Variants in MAP2K7 observed in about 807,000 individuals in gnomAD.
MAP2K7 encodes dual specificity mitogen-activated protein kinase kinase 7.
A neutral mutation model predicts 47.7 loss-of-function variants in MAP2K7; 12 were observed. That is an observed-to-expected ratio of 0.25 (90% CI 0.16 to 0.41). The LOEUF is 0.41. Ranked by LOEUF, MAP2K7 falls within the 10% of genes least tolerant of loss-of-function variation. The pLI, the probability that MAP2K7 is intolerant of heterozygous loss-of-function variation, is 1.00. For synonymous variants in MAP2K7, 299 were observed against 243.0 expected, an observed-to-expected ratio of 1.23 and a Z score of -2.14; for missense variants, 415 against 600.3, an observed-to-expected ratio of 0.69 and a Z score of 3.23.
chr19:7,907,493 T>G (rs532521045), intron 1 of MAP2K7, among the ~76,000 whole-genome samples: 23 of 152,326 alleles, frequency 1.5e-4, no homozygotes, highest in African/African-American at 4.6e-4. Flanking sequence ...CCTCTCGCTC[T>G]CTCTCATCCG....
intron 9 of MAP2K7, among the ~76,000 whole-genome samples, chr19:7,911,945 C>T (rs1488159845): frequency 1.3e-5 from 2 of 152,194 alleles, no homozygotes; most frequent in African/African-American, 2.4e-5. Context: ...AAGCCAGGCC[C>T]TTGCCACCTG....
intron 9 of MAP2K7, among the ~76,000 whole-genome samples, chr19:7,911,892 C>T (rs12609647): frequency 0.023 from 3,464 of 152,274 alleles, 112 homozygotes; most frequent in East Asian, 0.085. Context: ...TCAGGGGAGC[C>T]CCACCCACCT....
At position 7,911,407 on chromosome 19, in the gene MAP2K7, C is replaced by G. The variant is rs748305627; in HGVS notation, c.937-29C>G. On this transcript the variant is annotated intron_variant, in intron 8 of 10. Coordinates refer to ENST00000397979, the MANE Select transcript of MAP2K7 (RefSeq NM_145185.4). ...GACTCGGAGGGAGGAGAACATAAAC[C>G]TGTCCAGCCCTGCCCGTCTCCCTCC... The G allele has an allele frequency of 6.8e-6, 11 of 1,613,196 alleles. 1 individual carries two copies. The Middle Eastern group carries it at 1.7e-3, about 242-fold the overall frequency.
Position 7,912,523 on chromosome 19 carries a change from C to T in MAP2K7, c.*92C>T. On this transcript the variant is annotated 3_prime_UTR_variant, in exon 11 of 11. Transcript: ENST00000397979. ...CCACCCAGCTGCCTGCCAGGGGAGA[C>T]CTGGGACCTGGACGGCCACCTAGGA... 1 of 1,436,166 alleles carries T rather than the reference C, an allele frequency of 7.0e-7. No individual in the cohort carries two copies. Among genetic ancestry groups the T allele is most frequent in the Non-Finnish European group, 9.2e-7 (1 of 1,081,638 alleles). The allele number at this position is 1,436,166 out of a possible 1,614,324, so 89.0% of individuals were successfully genotyped here. A position where few individuals can be genotyped will look rare whatever the true frequency, so the allele number is the denominator to read the frequency against.
chr19:7,908,441 T>C (rs986344108), intron 1 of MAP2K7, among the ~76,000 whole-genome samples: 13 of 152,068 alleles, frequency 8.5e-5, no homozygotes, highest in African/African-American at 2.9e-4. Flanking sequence ...TCCTACTGGC[T>C]GAGATCAGGG....
Position 7,911,618 on chromosome 19 carries a change from G to A in MAP2K7, c.1079+40G>A, listed in dbSNP as rs199810875. 7.6e-4 allele frequency: 1,170 copies of A among 1,533,784 alleles called. 4 individuals are homozygous for A. Among genetic ancestry groups the A allele is most frequent in the African/African-American group, 3.2e-3 (235 of 72,962 alleles). On this transcript the variant is annotated intron_variant, in intron 9 of 10. Transcript: ENST00000397979. ...CCACTTGGGAGGTCAGGGACAGCCC[G>A]CTGCTCTGGGCAGCTGGGGAGGCAA...
In MAP2K7 at chr19:7,912,797, C is replaced by G. The variant is rs965337482; in HGVS notation, c.*366C>G. The G allele has an allele frequency of 1.4e-5, 4 of 276,954 alleles. No homozygotes were observed. Among genetic ancestry groups the G allele is most frequent in the African/African-American group, 6.7e-5 (3 of 44,840 alleles). The allele number at this position is 276,954 out of a possible 1,614,324, so 17.2% of individuals were successfully genotyped here. ...ATGCACGCTCCCAGCGTGCTGTGTCCTTCGCCACTCCCACGCGCCCGTTCC... is the reference window on the plus strand; with the variant it reads ...ATGCACGCTCCCAGCGTGCTGTGTCGTTCGCCACTCCCACGCGCCCGTTCC... On this transcript the variant is annotated 3_prime_UTR_variant, in exon 11 of 11. Coordinates refer to ENST00000397979, the MANE Select transcript of MAP2K7 (RefSeq NM_145185.4).
intron 1 of MAP2K7, chr19:7,905,678 A>G: frequency 2.5e-6 from 2 of 790,820 alleles, no homozygotes; most frequent in South Asian, 2.9e-5. Flanking sequence ...GTCGGTTCCT[A>G]GCCATCTCTG....
At chr19:7,908,857 C>T (rs1982627310) in intron 1 of MAP2K7, among the ~76,000 whole-genome samples, 1 of 152,136 alleles carries the variant, frequency 6.6e-6, no homozygotes, top group African/African-American at 2.4e-5. Flanking sequence ...CTCCTCTGGG[C>T]ACCTGGGCCC....
chr19:7,911,561 G>A lies in MAP2K7; in HGVS notation c.1062G>A (p.Gln354=), dbSNP rs918854402. 1.3e-6 allele frequency: 2 copies of A among 1,597,464 alleles called. No individual in the cohort carries two copies. Among genetic ancestry groups the A allele is most frequent in the Admixed American group, 1.7e-5 (1 of 59,134 alleles). The change falls in exon 9 of 11, where the codon CAG becomes CAA. Residue 354 remains glutamine (Q), a synonymous_variant. Coordinates refer to ENST00000397979, the MANE Select transcript of MAP2K7 (RefSeq NM_145185.4). ...ACATGGGCTTCTCGGGGGACTTCCAGTCCTTCGTCAAAGACTGGTGAGAAC... is the reference window on the plus strand; with the variant it reads ...ACATGGGCTTCTCGGGGGACTTCCAATCCTTCGTCAAAGACTGGTGAGAAC... ...PGHMGFSGDF[Q]SFVKDCLTKD... is the part of the protein sequence containing the mutation.
In MAP2K7 at chr19:7,912,586, C is replaced by A; in HGVS notation, c.*155C>A. 1 of 869,030 alleles carries A rather than the reference C, an allele frequency of 1.2e-6. No homozygotes were observed. Among genetic ancestry groups the A allele is most frequent in the Non-Finnish European group, 1.7e-6 (1 of 585,076 alleles). The allele number at this position is 869,030 out of a possible 1,614,324, so 53.8% of individuals were successfully genotyped here. A position where few individuals can be genotyped will look rare whatever the true frequency, so the allele number is the denominator to read the frequency against. On this transcript the variant is annotated 3_prime_UTR_variant, in exon 11 of 11. Transcript: ENST00000397979. ...AGTGGGGGGTGCCCACCCACCCCCC[C>A]CGCCCCGGGCCTACCAAGCCCCCGC... is the stretch of plus-strand genomic sequence containing the variant.
At position 7,913,969 on chromosome 19, in the gene MAP2K7, C is replaced by T. The variant is rs1304038276; in HGVS notation, c.*1538C>T. 3 of 152,208 alleles carry T rather than the reference C, an allele frequency of 2.0e-5. No individual in the cohort carries two copies. The highest frequency in any genetic ancestry group is 7.2e-5 in the African/African-American group (3 of 41,406). The allele number at this position is 152,208 out of a possible 1,614,324, so 9.4% of individuals were successfully genotyped here. On this transcript the variant is annotated 3_prime_UTR_variant, in exon 11 of 11. Transcript: ENST00000397979. ...ATAGATGTCATCTTCTCTCTGCCCC[C>T]AGGGAGGAAAGCCACCTTCTCTTGC... is the stretch of plus-strand genomic sequence containing the variant.
chr19:7,911,244 C>CT lies in MAP2K7; in HGVS notation c.856-5dup. Reference sequence around the variant, plus strand: ...GGAGATACGTCTTCTCCTCCCCCCCCTGCAGCCCGAGCGCATTGACCCCCC... The same window carrying CT: ...GGAGATACGTCTTCTCCTCCCCCCCCTTGCAGCCCGAGCGCATTGACCCCCC... On this transcript the variant is annotated splice_region_variant and splice_polypyrimidine_tract_variant and intron_variant, in intron 7 of 10. Coordinates refer to ENST00000397979, the MANE Select transcript of MAP2K7 (RefSeq NM_145185.4). 2.5e-6 allele frequency: 4 copies of CT among 1,611,510 alleles called. No homozygotes were observed. The highest frequency in any genetic ancestry group is 3.4e-6 in the Non-Finnish European group (4 of 1,178,794).
At chr19:7,905,016 G>A (rs55947199) in intron 1 of MAP2K7, among the ~76,000 whole-genome samples, 24,098 of 150,084 alleles carry the variant, frequency 0.16, 2,541 homozygotes, top group Middle Eastern at 0.23. Context: ...AGTACCTCTC[G>A]CTTCACACAC....
chr19:7,907,580 C>T (rs988548330), intron 1 of MAP2K7, among the ~76,000 whole-genome samples: 2 of 152,334 alleles, frequency 1.3e-5, no homozygotes, highest in East Asian at 1.9e-4. Context: ...ACCTCTGTGG[C>T]CTCTGTTCTC....
chr19:7,910,080 A>G lies in MAP2K7; in HGVS notation c.284A>G (p.Lys95Arg). ...GTCCCCAGCATTGAGATTGACCAGAAGCTGCAGGAGATCATGAAGCAGACG... is the reference window on the plus strand; with the variant it reads ...GTCCCCAGCATTGAGATTGACCAGAGGCTGCAGGAGATCATGAAGCAGACG... ...RSMESIEIDQ[K>R]LQEIMKQTGY... The change falls in exon 3 of 11, where the codon AAG (lysine) becomes AGG (arginine). Residue 95 changes from lysine to arginine, a missense_variant. This residue lies in a region of MAP2K7 where 206 missense variants were observed against 368.8 expected (regional missense o/e 0.56). Coordinates refer to ENST00000397979, the MANE Select transcript of MAP2K7 (RefSeq NM_145185.4). The G allele has an allele frequency of 6.2e-7, 1 of 1,606,150 alleles. No homozygotes were observed. Among genetic ancestry groups the G allele is most frequent in the Non-Finnish European group, 8.5e-7 (1 of 1,177,164 alleles).
chr19:7,908,621 A>G (rs2145135723), intron 1 of MAP2K7, among the ~76,000 whole-genome samples: 1 of 152,158 alleles, frequency 6.6e-6, no homozygotes, highest in South Asian at 2.1e-4. Context: ...AGGGCTTTGG[A>G]GAGCGGCAGG....
rs758583359 is a variant in MAP2K7, at chr19:7,912,281, C to T, written c.1126-16C>T. ...AAGACCGTCTCCTCCTAAGCCCCAC[C>T]CCCTCGGGCCCACAGGAACACAGCT... On this transcript the variant is annotated splice_polypyrimidine_tract_variant and intron_variant, in intron 10 of 10. Coordinates refer to ENST00000397979, the MANE Select transcript of MAP2K7 (RefSeq NM_145185.4). The T allele has an allele frequency of 4.3e-6, 7 of 1,613,506 alleles. No individual in the cohort carries two copies. Among genetic ancestry groups the T allele is most frequent in the Non-Finnish European group, 5.9e-6 (7 of 1,179,870 alleles).
intron 1 of MAP2K7, among the ~76,000 whole-genome samples, chr19:7,905,287 C>G (rs534715843): frequency 1.3e-5 from 2 of 152,278 alleles, no homozygotes; most frequent in South Asian, 4.1e-4. Context: ...GGCACCCCAC[C>G]CATTCCCTGG....
Sources: allele counts gnomAD v4.1 joint callset (sites outside exome capture counted in the v4.1 genomes callset), GRCh38; gene constraint gnomAD v4.1.1; regional missense constraint gnomAD v4.1.1; transcripts MANE v1.5; gene names NCBI Gene and HGNC (gene_info 2026-07-23, HGNC 2026-07-21).